The following RUFY3 variants were observed in gnomAD, a reference collection of about 807,000 sequenced individuals.
The protein encoded by RUFY3 is RUN and FYVE domain containing 3, also known as protein RUFY3.
RUFY3 carries 34 observed loss-of-function variants against 84.0 expected under a neutral mutation model. The observed-to-expected ratio is 0.40, with a 90% confidence interval of 0.31 to 0.54. The LOEUF is 0.54. RUFY3 is among the 20% of genes least tolerant of loss of function. The probability of loss-of-function intolerance (pLI) is 0.39; values close to 1 mark genes in which losing one functional copy is unlikely to be tolerated. For missense variants in RUFY3, 507 were observed against 736.8 expected (o/e 0.69, Z 3.61); for synonymous variants, 242 against 252.9 (o/e 0.96, Z 0.41).
In RUFY3 at chr4:70,733,127, AGGGAG is replaced by A. The variant is rs1341319548; in HGVS notation, c.178+10379_178+10383del. Among the ~76,000 whole-genome samples, 36 of 54,606 alleles carry A rather than the reference AGGGAG, an allele frequency of 6.6e-4. 1 individual carries two copies. The highest frequency in any genetic ancestry group is 2.3e-3 in the African/African-American group (32 of 13,892). 35.8% of individuals were successfully genotyped at this position (54,606 alleles called of 152,430 possible). ...GAGAGAGAGAGAGAGAGAGGGAGGG[AGGGAG>A]GGAGGGAGAGAGAGAGAGAGAGAGA... On this transcript the variant is annotated intron_variant, in intron 1 of 17. Transcript: ENST00000381006.
rs1292571392 is a variant in RUFY3 at position 70,802,955 on chromosome 4, G to A, written c.1623-1G>A. The A allele has an allele frequency of 1.9e-6, 3 of 1,603,838 alleles. No homozygotes were observed. In the East Asian group the frequency reaches 6.7e-5, roughly 36 times the overall value. Reference sequence around the variant, plus strand: ...CACAATTTTTTACTTCTCCATTGTAGGCTGCAACCCCACCCTATGGATGAA... The same window carrying A: ...CACAATTTTTTACTTCTCCATTGTAAGCTGCAACCCCACCCTATGGATGAA... On this transcript the variant is annotated splice_acceptor_variant, in intron 15 of 17. Coordinates refer to ENST00000381006, the MANE Select transcript of RUFY3 (RefSeq NM_001037442.4). LOFTEE classifies it high-confidence loss of function.
chr4:70,759,682 T>C (rs1474119540), intron 1 of RUFY3, among the ~76,000 whole-genome samples: 1 of 152,190 alleles, frequency 6.6e-6, no homozygotes, highest in Non-Finnish European at 1.5e-5. Context: ...CACACCAGCA[T>C]TTTTTATTTT....
chr4:70,796,726 A>G (rs1336393437), intron 14 of RUFY3, among the ~76,000 whole-genome samples: 1 of 152,174 alleles, frequency 6.6e-6, no homozygotes, highest in Non-Finnish European at 1.5e-5. Flanking sequence ...CATCTTCAAC[A>G]TCATCTGGCC....
chr4:70,768,915 T>C (rs575498949), intron 5 of RUFY3, among the ~76,000 whole-genome samples: 264 of 152,136 alleles, frequency 1.7e-3, no homozygotes, highest in Non-Finnish European at 2.9e-3. Context: ...CACACACACA[T>C]ACACATTTAC....
At chr4:70,705,365 C>T in intron 1 of RUFY3, 1 of 1,139,246 alleles carries the variant, frequency 8.8e-7, no homozygotes, top group Non-Finnish European at 1.1e-6. Context: ...CGGCCCGGCC[C>T]CCGCGGAGCT....
chr4:70,760,554 A>C (rs74955000), intron 1 of RUFY3, among the ~76,000 whole-genome samples: 1 of 138,024 alleles, frequency 7.2e-6, no homozygotes, highest in Non-Finnish European at 1.6e-5. Context: ...CCCCAGCTCT[A>C]TTTTTTTTTT....
intron 7 of RUFY3, among the ~76,000 whole-genome samples, chr4:70,777,960 A>G (rs1052714396): frequency 6.6e-6 from 1 of 152,190 alleles, no homozygotes; most frequent in African/African-American, 2.4e-5. Context: ...GGCCTGGCGC[A>G]GTGGCTCATG....
chr4:70,732,338 C>T (rs1427136134), intron 1 of RUFY3, among the ~76,000 whole-genome samples: 1 of 152,236 alleles, frequency 6.6e-6, no homozygotes, highest in African/African-American at 2.4e-5. Flanking sequence ...CCCCATGGTA[C>T]TGTGTACTAT....
At chr4:70,708,109 C>T (rs1350535662) in intron 1 of RUFY3, among the ~76,000 whole-genome samples, 2 of 152,138 alleles carry the variant, frequency 1.3e-5, no homozygotes, top group East Asian at 3.8e-4. Flanking sequence ...AGCAACAGAA[C>T]GAAACCCTGT....
intron 1 of RUFY3, among the ~76,000 whole-genome samples, chr4:70,711,784 G>A (rs1197866884): frequency 6.6e-6 from 1 of 152,180 alleles, no homozygotes; most frequent in African/African-American, 2.4e-5. Context: ...CTGAGGGACA[G>A]GTAGCTGGGT....
rs188199155 is a variant in RUFY3, at chr4:70,733,247, T to A, written c.178+10496T>A. On this transcript the variant is annotated intron_variant, in intron 1 of 17. Coordinates refer to ENST00000381006, the MANE Select transcript of RUFY3 (RefSeq NM_001037442.4). Reference sequence around the variant, plus strand: ...TGGTTTCTAATGTTTTCTTTATTTTTAATTGTTTATCTCATATTCTGGACC... The same window carrying A: ...TGGTTTCTAATGTTTTCTTTATTTTAAATTGTTTATCTCATATTCTGGACC... Among the ~76,000 whole-genome samples the A allele has an allele frequency of 5.3e-3, 808 of 152,316 alleles. 14 individuals carry two copies. The highest frequency in any genetic ancestry group is 0.018 in the African/African-American group (753 of 41,566).
At chr4:70,720,918 T>TGC (rs1244088114), upstream of RUFY3, among the ~76,000 whole-genome samples, 2 of 151,214 alleles carry the variant, frequency 1.3e-5, no homozygotes, top group Non-Finnish European at 2.9e-5. Flanking sequence ...TGTGTGTGTG[T>TGC]GTGTGTGTGT....
chr4:70,711,491 C>T (rs545026687), intron 1 of RUFY3, among the ~76,000 whole-genome samples: 52 of 152,294 alleles, frequency 3.4e-4, no homozygotes, highest in African/African-American at 1.2e-3. Flanking sequence ...TCGGTATTTT[C>T]AATGTAGATC....
chr4:70,806,515 G>T lies in RUFY3; in HGVS notation c.1720-1G>T, dbSNP rs1156794816. The T allele has an allele frequency of 6.2e-7, 1 of 1,613,962 alleles. No individual in the cohort carries two copies. On this transcript the variant is annotated splice_acceptor_variant, in intron 17 of 17. Transcript: ENST00000381006. LOFTEE classifies it high-confidence loss of function. ...CCCCGCCTAACCTCCTCTTCTCATA[G>T]AATGTGTGTAAGAACTGCAGCGGAA...
At chr4:70,745,119 AT>A (rs762079827) in intron 1 of RUFY3, among the ~76,000 whole-genome samples, 3 of 150,854 alleles carry the variant, frequency 2.0e-5, no homozygotes, top group African/African-American at 4.9e-5. Flanking sequence ...TAATTTTTGC[AT>A]TTTTTAGTAG....
chr4:70,794,598 G>T, intron 13 of RUFY3, 197 bp from the exon 14 acceptor site: 1 of 562,194 alleles, frequency 1.8e-6, no homozygotes, highest in Non-Finnish European at 3.1e-6. Flanking sequence ...GTAGAGATTA[G>T]ACAGGTTAAA....
intron 1 of RUFY3, among the ~76,000 whole-genome samples, chr4:70,738,045 A>G (rs902645826): frequency 7.0e-6 from 1 of 142,082 alleles, no homozygotes; most frequent in Non-Finnish European, 1.5e-5. Flanking sequence ...TGCAAGTGGT[A>G]CAATCTCAGC....
At chr4:70,725,952 A>C (rs1261972384) in intron 1 of RUFY3, among the ~76,000 whole-genome samples, 1 of 152,240 alleles carries the variant, frequency 6.6e-6, no homozygotes, top group Non-Finnish European at 1.5e-5. Flanking sequence ...AAAAGCCTGC[A>C]CTTGATTCTG....
chr4:70,768,239 T>G (rs1726326383), intron 4 of RUFY3, among the ~76,000 whole-genome samples: 1 of 152,246 alleles, frequency 6.6e-6, no homozygotes, highest in Admixed American at 6.5e-5. Flanking sequence ...TCAACCACAA[T>G]ACTGTTCAGT....
Sources: allele counts gnomAD v4.1 joint callset (sites outside exome capture counted in the v4.1 genomes callset), GRCh38; gene constraint gnomAD v4.1.1; transcripts MANE v1.5; gene names NCBI Gene and HGNC (gene_info 2026-07-23, HGNC 2026-07-21).